The following UBE3A variants were observed in gnomAD, a reference collection of about 807,000 sequenced individuals.
The protein encoded by UBE3A is ubiquitin-protein ligase E3A.
A neutral mutation model predicts 83.4 loss-of-function variants in UBE3A; 6 were observed. That is an observed-to-expected ratio of 0.07 (90% CI 0.04 to 0.14). The LOEUF (loss-of-function observed/expected upper bound fraction) is 0.14, where lower values mean the gene tolerates loss of function less well. Among genes scored for constraint, UBE3A ranks in the 10% least tolerant of loss-of-function variants. UBE3A has a pLI of 1.00. For synonymous variants in UBE3A, 337 were observed against 355.4 expected (o/e 0.95, Z 0.58); for missense variants, 456 against 1,036.1 (o/e 0.44, Z 7.69).
chr15:25,400,474 A>G (rs2086812670), intron 4 of UBE3A, among the ~76,000 whole-genome samples: 1 of 152,104 alleles, frequency 6.6e-6, no homozygotes, highest in Non-Finnish European at 1.5e-5. Context: ...TTATTGTTGT[A>G]TTTTTTTCTC....
chr15:25,417,179 C>T (rs928713451), intron 1 of UBE3A, among the ~76,000 whole-genome samples: 1 of 152,004 alleles, frequency 6.6e-6, no homozygotes, highest in Non-Finnish European at 1.5e-5. Flanking sequence ...TCTCTCTAAC[C>T]TGAGTGAAGA....
At chr15:25,417,515 G>C (rs1887505859) in intron 1 of UBE3A, among the ~76,000 whole-genome samples, 1 of 151,870 alleles carries the variant, frequency 6.6e-6, no homozygotes, top group South Asian at 2.1e-4. Flanking sequence ...AACAAATTCA[G>C]AGTGAAAAAA....
chr15:25,345,509 G>GA (rs1401254374), intron 11 of UBE3A: 1 of 151,806 alleles, frequency 6.6e-6, no homozygotes, highest in Non-Finnish European at 1.5e-5. Flanking sequence ...CCTAAAAAGC[G>GA]AAAAAAGTTA....
At chr15:25,415,183 T>C (rs2090646999) in intron 1 of UBE3A, among the ~76,000 whole-genome samples, 1 of 152,320 alleles carries the variant, frequency 6.6e-6, no homozygotes, top group East Asian at 1.9e-4. Context: ...CAGTGCCCCA[T>C]TATTTCATCT....
intron 1 of UBE3A, among the ~76,000 whole-genome samples, chr15:25,417,687 G>C (rs552074456): frequency 6.6e-6 from 1 of 151,956 alleles, no homozygotes; most frequent in Non-Finnish European, 1.5e-5. Context: ...CAGTAAAATA[G>C]AAGACAAAGC....
At chr15:25,437,856 G>GT (rs1567221945) in intron 1 of UBE3A, among the ~76,000 whole-genome samples, 2 of 151,784 alleles carry the variant, frequency 1.3e-5, no homozygotes, top group African/African-American at 2.4e-5. Context: ...GAAAAGGGGG[G>GT]GGAAAAAAGG....
chr15:25,349,165 G>C (rs984794014), intron 11 of UBE3A, among the ~76,000 whole-genome samples: 1 of 152,086 alleles, frequency 6.6e-6, no homozygotes, highest in African/African-American at 2.4e-5. Context: ...GCAATTCAAT[G>C]GGGAAAGAAA....
intron 11 of UBE3A, among the ~76,000 whole-genome samples, chr15:25,351,475 T>C (rs537501947): frequency 6.6e-6 from 1 of 152,212 alleles, no homozygotes; most frequent in African/African-American, 2.4e-5. Context: ...CTGAATCTGT[T>C]TTTCGTTTTT....
In UBE3A at chr15:25,409,158, T is replaced by G; in HGVS notation, c.-51A>C. ...TTTGAGTCACTGATTAAAAACAGGTTGTCACACCAGTCTAGCTGCTACCTT... is the reference window on the plus strand; with the variant it reads ...TTTGAGTCACTGATTAAAAACAGGTGGTCACACCAGTCTAGCTGCTACCTT... On this transcript the variant is annotated 5_prime_UTR_variant, in exon 3 of 13. Transcript: ENST00000648336. 1 of 1,577,840 alleles carries G rather than the reference T, an allele frequency of 6.3e-7. No individual in the cohort carries two copies. Among genetic ancestry groups the G allele is most frequent in the Non-Finnish European group, 8.6e-7 (1 of 1,156,958 alleles).
At chr15:25,407,066 C>T in intron 3 of UBE3A, 1 of 1,347,950 alleles carries the variant, frequency 7.4e-7, no homozygotes, top group Non-Finnish European at 9.8e-7. Flanking sequence ...ATGTGACACA[C>T]CTGGTCTCCA....
At chr15:25,376,146 G>C (rs2081173167) in intron 4 of UBE3A, among the ~76,000 whole-genome samples, 4 of 152,084 alleles carry the variant, frequency 2.6e-5, no homozygotes, top group Admixed American at 2.6e-4. Context: ...TTAGCATTAG[G>C]AAAATGAGTC....
At chr15:25,387,740 A>G (rs1194849599) in intron 4 of UBE3A, among the ~76,000 whole-genome samples, 2 of 152,170 alleles carry the variant, frequency 1.3e-5, no homozygotes, top group African/African-American at 2.4e-5. Flanking sequence ...AGGCTAAGAA[A>G]AAGAGACAAA....
intron 4 of UBE3A, among the ~76,000 whole-genome samples, chr15:25,397,705 A>C (rs2085905410): frequency 1.3e-5 from 2 of 152,152 alleles, no homozygotes; most frequent in Admixed American, 6.5e-5. Context: ...ACAGCTTGTA[A>C]TTTGAAACTC....
intron 4 of UBE3A, among the ~76,000 whole-genome samples, chr15:25,389,157 A>G (rs1367830591): frequency 6.6e-6 from 1 of 152,150 alleles, no homozygotes; most frequent in African/African-American, 2.4e-5. Flanking sequence ...ATGGACCCAC[A>G]TAGTCAAAGG....
intron 4 of UBE3A, among the ~76,000 whole-genome samples, chr15:25,389,888 A>AACAGACAGACAGACAG (rs58701157): frequency 2.0e-5 from 3 of 151,778 alleles, no homozygotes; most frequent in Non-Finnish European, 2.9e-5. Flanking sequence ...GCTCTGTCTC[A>AACAGACAGACAGACAG]ACAGACAGAC....
At chr15:25,400,907 C>G (rs1188646928) in intron 4 of UBE3A, among the ~76,000 whole-genome samples, 2 of 152,178 alleles carry the variant, frequency 1.3e-5, no homozygotes, top group Non-Finnish European at 2.9e-5. Context: ...TTTAACTTTT[C>G]AACATTCAGT....
intron 11 of UBE3A, among the ~76,000 whole-genome samples, chr15:25,343,222 C>T (rs1394069200): frequency 6.6e-6 from 1 of 152,056 alleles, no homozygotes; most frequent in Non-Finnish European, 1.5e-5. Context: ...ATTCGGAAGT[C>T]TAAATAAAGT....
At chr15:25,409,995 G>T (rs769328175) in intron 2 of UBE3A, among the ~76,000 whole-genome samples, 3 of 151,832 alleles carry the variant, frequency 2.0e-5, no homozygotes, top group Non-Finnish European at 4.4e-5. Flanking sequence ...GGACTGTTGT[G>T]GGGTGGGGGG....
chr15:25,400,980 CTTAA>C (rs1470232704), intron 4 of UBE3A, among the ~76,000 whole-genome samples: 1 of 152,232 alleles, frequency 6.6e-6, no homozygotes, highest in East Asian at 1.9e-4. Flanking sequence ...TCCTTCTATA[CTTAA>C]TTTTTTAAAA....
Sources: gnomAD v4.1 joint callset for allele counts (sites outside exome capture counted in the v4.1 genomes callset) on GRCh38, gnomAD v4.1.1 for gene constraint, MANE v1.5 for transcripts, NCBI Gene and HGNC (gene_info 2026-07-23, HGNC 2026-07-21) for gene names.